The following PDGFRB variants were observed in gnomAD, a reference collection of about 807,000 sequenced individuals.
PDGFRB encodes the protein platelet-derived growth factor receptor beta.
Under a neutral mutation model 120.2 loss-of-function variants are expected in PDGFRB, and 42 were observed. The ratio of observed to expected loss-of-function variants is 0.35; its 90% confidence interval spans 0.27 to 0.45. The LOEUF is 0.45. PDGFRB is among the 20% of genes least tolerant of loss of function. The pLI, the probability that PDGFRB is intolerant of heterozygous loss-of-function variation, is 1.00. For missense variants in PDGFRB, 1,149 were observed against 1,476.3 expected (o/e 0.78, Z 3.63); for synonymous variants, 586 against 606.8 (o/e 0.97, Z 0.50).
At chr5:150,151,323 G>A (rs904955541) in intron 1 of PDGFRB, among the ~76,000 whole-genome samples, 21 of 152,122 alleles carry the variant, frequency 1.4e-4, no homozygotes, top group African/African-American at 4.8e-4. Context: ...AGAAGGGAAC[G>A]ATCTGTGCAC....
chr5:150,152,433 C>CCCCTT (rs1439510988), intron 1 of PDGFRB, among the ~76,000 whole-genome samples: 6 of 152,188 alleles, frequency 3.9e-5, no homozygotes, highest in Non-Finnish European at 5.9e-5. Flanking sequence ...GGGCCCAACA[C>CCCCTT]CCCTTCCCTT....
In PDGFRB at chr5:150,114,314, C is replaced by T. The variant is rs1291552855; in HGVS notation, c.*1449G>A. On this transcript the variant is annotated 3_prime_UTR_variant, in exon 23 of 23. Transcript: ENST00000261799. ...AAACCTCCAAAGCGCCCACCTCTCA[C>T]ATCCTTCTTGGGGTACCCATCTGAA... 2 of 233,104 alleles carry T rather than the reference C, an allele frequency of 8.6e-6. No individual in the cohort carries two copies. The highest frequency in any genetic ancestry group is 6.0e-5 in the East Asian group (1 of 16,596). 14.4% of individuals were successfully genotyped at this position (233,104 alleles called of 1,614,324 possible).
At chr5:150,145,453 A>G (rs1275480213) in intron 1 of PDGFRB, among the ~76,000 whole-genome samples, 7 of 152,202 alleles carry the variant, frequency 4.6e-5, no homozygotes, top group African/African-American at 1.7e-4. Context: ...CCCACTATCT[A>G]TGCTAAGCTC....
At chr5:150,148,169 C>T (rs904124476) in intron 1 of PDGFRB, among the ~76,000 whole-genome samples, 2 of 152,156 alleles carry the variant, frequency 1.3e-5, no homozygotes, top group East Asian at 1.9e-4. Flanking sequence ...AAGGCCAGAC[C>T]CATCTAATCA....
chr5:150,141,588 A>G (rs1760786074), intron 1 of PDGFRB, among the ~76,000 whole-genome samples: 1 of 152,168 alleles, frequency 6.6e-6, no homozygotes, highest in Admixed American at 6.5e-5. Flanking sequence ...ACCAACGTGC[A>G]TGTTTGGTTG....
chr5:150,138,880 C>T (rs903429057), intron 1 of PDGFRB, among the ~76,000 whole-genome samples: 1 of 152,228 alleles, frequency 6.6e-6, no homozygotes, highest in Non-Finnish European at 1.5e-5. Context: ...GCTTCCCTGC[C>T]CCTCCTCTCC....
intron 1 of PDGFRB, among the ~76,000 whole-genome samples, chr5:150,154,712 T>G (rs1166003462): frequency 6.6e-6 from 1 of 152,166 alleles, no homozygotes; most frequent in East Asian, 1.9e-4. Context: ...CCAAAGGAAA[T>G]GGCCCAGTGG....
chr5:150,117,966 AG>A, intron 21 of PDGFRB, 116 bp from the exon 22 acceptor site: 1 of 643,886 alleles, frequency 1.6e-6, no homozygotes, highest in Non-Finnish European at 2.8e-6. Context: ...CGCTGCTCAG[AG>A]GGGAAAGGGA....
Position 150,122,942 on chromosome 5 carries a change from C to T in PDGFRB, c.2183+100G>A, listed in dbSNP as rs1760183855. On this transcript the variant is annotated intron_variant, in intron 15 of 22. Coordinates refer to ENST00000261799, the MANE Select transcript of PDGFRB (RefSeq NM_002609.4). ...CTCCAGGAGTGATTCTGTCCCCTGC[C>T]CTGTCACAGCCTCAGCTTCCCCTCC... 4 of 1,052,846 alleles carry T rather than the reference C, an allele frequency of 3.8e-6. No individual in the cohort carries two copies. The East Asian group carries it at 7.1e-5, about 19-fold the overall frequency. The allele number at this position is 1,052,846 out of a possible 1,614,324, so 65.2% of individuals were successfully genotyped here.
intron 1 of PDGFRB, among the ~76,000 whole-genome samples, chr5:150,137,834 CCTGT>C (rs1760679762): frequency 6.6e-6 from 1 of 152,124 alleles, no homozygotes; most frequent in Non-Finnish European, 1.5e-5. Flanking sequence ...CACAGCAGAG[CCTGT>C]CTGAGAGGGA....
At chr5:150,130,751 C>A in intron 8 of PDGFRB, 89 bp from the exon 9 acceptor site, 1 of 1,146,096 alleles carries the variant, frequency 8.7e-7, no homozygotes, top group Non-Finnish European at 1.3e-6. Flanking sequence ...CCCAGAGACT[C>A]TCTTGGGGGA....
At chr5:150,119,184 A>C (rs1407865659) in intron 20 of PDGFRB, among the ~76,000 whole-genome samples, 1 of 152,088 alleles carries the variant, frequency 6.6e-6, no homozygotes, top group Non-Finnish European at 1.5e-5. Context: ...CAGCTCTGGG[A>C]CTTTTGCTGG....
At chr5:150,140,644 TG>T (rs552734167) in intron 1 of PDGFRB, among the ~76,000 whole-genome samples, 116 of 148,726 alleles carry the variant, frequency 7.8e-4, no homozygotes, top group Middle Eastern at 3.4e-3. Flanking sequence ...GGGAGAGGAG[TG>T]GGGGGCCCCA....
At chr5:150,148,717 G>C (rs778744291) in intron 1 of PDGFRB, among the ~76,000 whole-genome samples, 1 of 152,362 alleles carries the variant, frequency 6.6e-6, no homozygotes, top group East Asian at 1.9e-4. Context: ...AGATGATGAC[G>C]CACAGCACTT....
Position 150,114,716 on chromosome 5 carries a change from T to A in PDGFRB, c.*1047A>T, listed in dbSNP as rs1426331486. The A allele has an allele frequency of 4.3e-6, 1 of 233,564 alleles. No individual in the cohort carries two copies. Among genetic ancestry groups the A allele is most frequent in the Admixed American group, 5.6e-5 (1 of 17,784 alleles). 14.5% of individuals were successfully genotyped at this position (233,564 alleles called of 1,614,324 possible). A position where few individuals can be genotyped will look rare whatever the true frequency, so the allele number is the denominator to read the frequency against. On this transcript the variant is annotated 3_prime_UTR_variant, in exon 23 of 23. Transcript: ENST00000261799. ...CCCCAGGATGGAAGTTTAGGGTATATGGCCTTGCTTCATCTGGACAAATGT... is the reference window on the plus strand; with the variant it reads ...CCCCAGGATGGAAGTTTAGGGTATAAGGCCTTGCTTCATCTGGACAAATGT...
intron 1 of PDGFRB, among the ~76,000 whole-genome samples, chr5:150,154,653 G>C (rs1276507453): frequency 6.6e-6 from 1 of 152,152 alleles, no homozygotes; most frequent in Non-Finnish European, 1.5e-5. Context: ...AGAAGGGGTA[G>C]AGTCCAGAAG....
chr5:150,150,764 A>G (rs1443579102), intron 1 of PDGFRB, among the ~76,000 whole-genome samples: 2 of 152,176 alleles, frequency 1.3e-5, no homozygotes, highest in African/African-American at 2.4e-5. Flanking sequence ...CACTCCCACC[A>G]GAGGTAGGTC....
chr5:150,116,118 T>C (rs900972762), intron 22 of PDGFRB, among the ~76,000 whole-genome samples, 172 bp from the exon 23 acceptor site: 1 of 152,078 alleles, frequency 6.6e-6, no homozygotes, highest in Non-Finnish European at 1.5e-5. Flanking sequence ...AAAGTGTGGC[T>C]CAGAGAGGTT....
At chr5:150,135,350 G>C (rs1419079181) in intron 3 of PDGFRB, among the ~76,000 whole-genome samples, 2 of 152,170 alleles carry the variant, frequency 1.3e-5, no homozygotes, top group African/African-American at 4.8e-5. Context: ...GCAGGAATAG[G>C]GTGACTGGCA....
Sources: gnomAD v4.1 joint callset for allele counts (sites outside exome capture counted in the v4.1 genomes callset) on GRCh38, gnomAD v4.1.1 for gene constraint, MANE v1.5 for transcripts, NCBI Gene and HGNC (gene_info 2026-07-23, HGNC 2026-07-21) for gene names.